Variants in TEX101 observed in about 807,000 individuals in gnomAD.
The protein encoded by TEX101 is testis-expressed protein 101.
A neutral mutation model predicts 18.1 loss-of-function variants in TEX101; 10 were observed. The ratio of observed to expected loss-of-function variants is 0.55; its 90% confidence interval spans 0.34 to 0.94. The LOEUF (loss-of-function observed/expected upper bound fraction) is 0.94. Ranked by LOEUF, TEX101 falls within the 40% of genes least tolerant of loss-of-function variation. The pLI is 0.02. For synonymous variants in TEX101, 94 were observed against 114.8 expected (o/e 0.82, Z 1.16); for missense variants, 259 against 298.9 (o/e 0.87, Z 0.98).
intron 3 of TEX101, among the ~76,000 whole-genome samples, chr19:43,409,055 C>T (rs903927697): frequency 2.0e-5 from 3 of 152,172 alleles, no homozygotes; most frequent in Non-Finnish European, 4.4e-5. Context: ...ACTTCAGACA[C>T]GTTAAATTTA....
intron 1 of TEX101, chr19:43,402,690 C>T (rs1970328232): frequency 6.6e-6 from 1 of 152,204 alleles, no homozygotes; most frequent in Admixed American, 6.5e-5. Flanking sequence ...ACGCCATTCT[C>T]CTGCCTCAGC....
At chr19:43,390,409 C>G in the TEX101 span, among the ~76,000 whole-genome samples, 2 of 142,974 alleles carry the variant, frequency 1.4e-5, no homozygotes, top group Non-Finnish European at 3.0e-5. Context: ...ACATAGAATT[C>G]ACCATTTTAA....
chr19:43,406,935 T>TG (rs529739852), intron 3 of TEX101, among the ~76,000 whole-genome samples: 3,143 of 110,174 alleles, frequency 0.029, 126 homozygotes, highest in African/African-American at 0.089. Flanking sequence ...TTTTTTGTTT[T>TG]TTTTTTTTTT....
chr19:43,418,156 C>T lies in TEX101; in HGVS notation c.521-12C>T, dbSNP rs773171069. 3 of 1,614,042 alleles carry T rather than the reference C, an allele frequency of 1.9e-6. No individual in the cohort carries two copies. The highest frequency in any genetic ancestry group is 1.6e-4 in the Middle Eastern group (1 of 6,062). ...ACATCTCTGTCTCTCCCGATCCTTC[C>T]TTGTTCTATAGGTGGCATTGAGTCG... On this transcript the variant is annotated splice_polypyrimidine_tract_variant and intron_variant, in intron 5 of 5. Coordinates refer to ENST00000598265, the MANE Select transcript of TEX101 (RefSeq NM_001130011.3).
chr19:43,405,281 A>C (rs1201953936), intron 2 of TEX101, among the ~76,000 whole-genome samples: 1 of 152,164 alleles, frequency 6.6e-6, no homozygotes, highest in African/African-American at 2.4e-5. Context: ...TAGGAAGGCA[A>C]GATCTGGCCT....
intron 3 of TEX101, among the ~76,000 whole-genome samples, chr19:43,408,667 T>C (rs1401993438): frequency 2.0e-5 from 3 of 151,764 alleles, no homozygotes; most frequent in South Asian, 4.2e-4. Context: ...CCTTGGTCTT[T>C]GTTCTTTTTG....
rs751998803 is a variant in TEX101, at chr19:43,416,435, A to G, written c.271A>G (p.Ile91Val). ...CIPEGEEAIT[I>V]VQHSSPPGLI... Reference sequence around the variant, plus strand: ...CCCGGAAGGGGAGGAGGCCATAACAATTGTCCAGCACTCTTCACCTCCCGG... The same window carrying G: ...CCCGGAAGGGGAGGAGGCCATAACAGTTGTCCAGCACTCTTCACCTCCCGG... The change falls in exon 4 of 6, where the codon ATT (isoleucine) becomes GTT (valine). Residue 91 changes from isoleucine (I) to valine (V), a missense_variant. Ile to Val is a conservative substitution (Grantham distance 29, BLOSUM62 3). Transcript: ENST00000598265. 8.7e-6 allele frequency: 14 copies of G among 1,614,010 alleles called. No individual in the cohort carries two copies. Among genetic ancestry groups the G allele is most frequent in the Non-Finnish European group, 1.0e-5 (12 of 1,180,022 alleles).
chr19:43,410,749 A>G (rs36036314), upstream of TEX101, among the ~76,000 whole-genome samples: 53,059 of 151,498 alleles, frequency 0.35, 10,491 homozygotes, highest in East Asian at 0.58. Flanking sequence ...ACACACATTC[A>G]CACACAGCAC....
At position 43,406,264 on chromosome 19, in the gene TEX101, T is replaced by TCAAGGGCAGGAG. The variant is rs1970361992; in HGVS notation, c.-237_-226dup. On this transcript the variant is annotated 5_prime_UTR_variant, in exon 3 of 8. Transcript: ENST00000602198. ...GTGAAGGAATTCAATGAAGCCCGGATCAAGGGCAGGAGCAACCGTGACCCT... is the reference window on the plus strand; with the variant it reads ...GTGAAGGAATTCAATGAAGCCCGGATCAAGGGCAGGAGCAAGGGCAGGAGCAACCGTGACCCT... 3 of 501,778 alleles carry TCAAGGGCAGGAG rather than the reference T, an allele frequency of 6.0e-6. No individual in the cohort carries two copies. In the East Asian group the frequency reaches 1.1e-4, roughly 18 times the overall value. The allele number at this position is 501,778 out of a possible 1,614,324, so 31.1% of individuals were successfully genotyped here.
At chr19:43,406,334 G>T in exon 3 of TEX101, 1 of 589,406 alleles carries the variant, frequency 1.7e-6, no homozygotes, top group East Asian at 3.2e-5. Context: ...GCGCGCGAAT[G>T]GATAGACGCT....
chr19:43,411,504 T>C (rs1239647290), upstream of TEX101, among the ~76,000 whole-genome samples: 1 of 152,232 alleles, frequency 6.6e-6, no homozygotes, highest in East Asian at 1.9e-4. Context: ...CCAATGGTGG[T>C]GTCACAAGTG....
chr19:43,406,422 A>G (rs986879312), exon 3 of TEX101: 18 of 743,676 alleles, frequency 2.4e-5, no homozygotes, highest in Non-Finnish European at 4.0e-5. Context: ...GGAGAGAAGA[A>G]CCCTCTGAGC....
the TEX101 span, among the ~76,000 whole-genome samples, chr19:43,390,780 T>C: frequency 7.1e-6 from 1 of 140,434 alleles, no homozygotes; most frequent in Non-Finnish European, 1.5e-5. Context: ...TAACCACTTT[T>C]AAGTGTACAT....
At chr19:43,399,491 G>A (rs1970301142), upstream of TEX101, among the ~76,000 whole-genome samples, 1 of 151,854 alleles carries the variant, frequency 6.6e-6, no homozygotes, top group East Asian at 1.9e-4. Flanking sequence ...AATTCCTCCT[G>A]CATTTTTAAA....
chr19:43,416,578 A>G (rs746845487), intron 4 of TEX101, 23 bp downstream of exon 4: 2 of 1,599,588 alleles, frequency 1.3e-6, no homozygotes, highest in African/African-American at 2.7e-5. Flanking sequence ...TGGGGGAGAT[A>G]GGTACTAAGA....
rs1391154057 is a variant in TEX101, at chr19:43,418,179, T to C, written c.532T>C (p.Ser178Pro). The C allele has an allele frequency of 1.2e-6, 2 of 1,613,962 alleles. No individual in the cohort carries two copies. Among genetic ancestry groups the C allele is most frequent in the Non-Finnish European group, 1.7e-6 (2 of 1,180,018 alleles). ...TCCTTGTTCTATAGGTGGCATTGAGTCGTCTGTGGAGGTCAAAGGCTGTAC... is the reference window on the plus strand; with the variant it reads ...TCCTTGTTCTATAGGTGGCATTGAGCCGTCTGTGGAGGTCAAAGGCTGTAC... ...KLEITGGGIESSVEVKGCTAM... is the reference protein window; with the variant it reads ...KLEITGGGIEPSVEVKGCTAM... The change falls in exon 6 of 6, where the codon TCG becomes CCG. Residue 178 changes from serine (S) to proline (P), a missense_variant. Transcript: ENST00000598265.
At chr19:43,415,222 A>AGGCTGG (rs149856925) in intron 1 of TEX101, among the ~76,000 whole-genome samples, 184 bp downstream of exon 1, 1 of 151,708 alleles carries the variant, frequency 6.6e-6, no homozygotes, top group Admixed American at 6.6e-5. Context: ...GGTTCTGATG[A>AGGCTGG]GGCTGGGGCT....
At chr19:43,407,945 GT>G (rs1162225385) in intron 3 of TEX101, among the ~76,000 whole-genome samples, 1 of 152,244 alleles carries the variant, frequency 6.6e-6, no homozygotes, top group Non-Finnish European at 1.5e-5. Context: ...CTGGGTCCGA[GT>G]TTTCTCTGCA....
chr19:43,408,607 T>C (rs1191449052), intron 3 of TEX101, among the ~76,000 whole-genome samples: 1 of 152,100 alleles, frequency 6.6e-6, no homozygotes, highest in Non-Finnish European at 1.5e-5. Flanking sequence ...CAACCACCCG[T>C]GACGCCCACC....
Sources: gnomAD v4.1 joint callset for allele counts (sites outside exome capture counted in the v4.1 genomes callset) on GRCh38, gnomAD v4.1.1 for gene constraint, MANE v1.5 for transcripts, NCBI Gene and HGNC (gene_info 2026-07-23, HGNC 2026-07-21) for gene names.